The following CUX2 variants were observed in gnomAD, a reference collection of about 807,000 sequenced individuals.
CUX2 encodes the protein homeobox protein cut-like 2.
CUX2 carries 40 observed loss-of-function variants against 144.8 expected under a neutral mutation model. The ratio of observed to expected loss-of-function variants is 0.28; its 90% CI spans 0.21 to 0.36. CUX2 has a LOEUF of 0.36. Ranked by LOEUF, CUX2 falls within the 10% of genes least tolerant of loss-of-function variation. The probability of loss-of-function intolerance (pLI) is 1.00; values close to 1 mark genes in which losing one functional copy is unlikely to be tolerated. For missense variants in CUX2, 1,615 were observed against 1,994.0 expected, an observed-to-expected ratio of 0.81 and a Z score of 3.62; for synonymous variants, 827 against 875.6, an observed-to-expected ratio of 0.94 and a Z score of 0.98.
At chr12:111,317,661 C>G (rs2136391940) in intron 16 of CUX2, among the ~76,000 whole-genome samples, 1 of 152,218 alleles carries the variant, frequency 6.6e-6, no homozygotes, top group South Asian at 2.1e-4. Flanking sequence ...TTCACTAAAT[C>G]ATATAGTGTT....
chr12:111,227,649 A>G (rs1156626526), intron 3 of CUX2, among the ~76,000 whole-genome samples: 4 of 152,032 alleles, frequency 2.6e-5, no homozygotes, highest in Non-Finnish European at 4.4e-5. Context: ...GCTTTCTCCT[A>G]TATTTTCTTG....
At chr12:111,335,948 C>A (rs937141645) in intron 19 of CUX2, among the ~76,000 whole-genome samples, 1 of 151,904 alleles carries the variant, frequency 6.6e-6, no homozygotes, top group Admixed American at 6.6e-5. Context: ...AAAGTGCCCA[C>A]GGTGAGATCC....
intron 3 of CUX2, among the ~76,000 whole-genome samples, chr12:111,247,025 C>T (rs1883311950): frequency 1.3e-5 from 2 of 152,290 alleles, no homozygotes; most frequent in South Asian, 4.1e-4. Flanking sequence ...TGAGTATCTT[C>T]TGTTTGCTAG....
chr12:111,040,298 C>A (rs573877427), intron 1 of CUX2, among the ~76,000 whole-genome samples: 1 of 150,842 alleles, frequency 6.6e-6, no homozygotes, highest in Non-Finnish European at 1.5e-5. Context: ...AAAAAAAAAA[C>A]GGAAAAAAAT....
intron 3 of CUX2, among the ~76,000 whole-genome samples, chr12:111,240,993 C>T (rs979102248): frequency 1.3e-5 from 2 of 152,078 alleles, no homozygotes; most frequent in Non-Finnish European, 2.9e-5. Context: ...TGTCTTAGTC[C>T]GTTTTGTGTT....
intron 1 of CUX2, among the ~76,000 whole-genome samples, chr12:111,143,798 G>A (rs1876487657): frequency 1.3e-5 from 2 of 152,344 alleles, no homozygotes; most frequent in African/African-American, 4.8e-5. Context: ...GCCATCTGGG[G>A]TGTGTGGGGG....
Position 111,310,309 on chromosome 12 carries a change from A to G in CUX2, c.1527A>G (p.Pro509=). ...GEAGGLLVFP[P]AFYGAKPPTA... The stretch of plus-strand genomic sequence containing the variant: ...CGGGCGGCCTGCTGGTGTTCCCCCC[A>G]GCCTTCTATGGCGCCAAGCCCCCCA... Residue 509 remains proline, a synonymous_variant, in exon 15 of 22, where the codon CCA becomes CCG. Transcript: ENST00000261726. The surrounding 1 kb of genome is among the most constrained non-coding windows in gnomAD (Gnocchi z 7.9). 1 of 1,501,520 alleles carries G rather than the reference A, an allele frequency of 6.7e-7. No individual in the cohort carries two copies. Among genetic ancestry groups the G allele is most frequent in the Non-Finnish European group, 8.9e-7 (1 of 1,121,456 alleles). The allele number at this position is 1,501,520 out of a possible 1,614,324, so 93.0% of individuals were successfully genotyped here.
intron 1 of CUX2, among the ~76,000 whole-genome samples, chr12:111,093,149 C>T (rs1334257282): frequency 6.6e-6 from 1 of 152,202 alleles, no homozygotes; most frequent in Non-Finnish European, 1.5e-5. Context: ...TGCCCAAGGC[C>T]ATGCAGTTGG....
intron 21 of CUX2, among the ~76,000 whole-genome samples, chr12:111,344,794 G>A (rs1334265724): frequency 6.6e-6 from 1 of 152,224 alleles, no homozygotes; most frequent in Admixed American, 6.5e-5. Context: ...CAGACTGCTA[G>A]GTTCAGAGCC....
chr12:111,134,620 C>CTCTCTCTGTGTGTGTGTGTG (rs1026548098), intron 1 of CUX2, among the ~76,000 whole-genome samples: 30 of 142,204 alleles, frequency 2.1e-4, no homozygotes, highest in African/African-American at 8.3e-4. Flanking sequence ...CTCTCTCTCT[C>CTCTCTCTGTGTGTGTGTGTG]TGTGTGTGTG....
intron 21 of CUX2, among the ~76,000 whole-genome samples, chr12:111,345,700 C>T (rs1009404049): frequency 8.9e-5 from 13 of 146,650 alleles, no homozygotes; most frequent in African/African-American, 3.3e-4. Context: ...CGCGCCACTG[C>T]ACTCCAGCGT....
chr12:111,230,336 G>A (rs1400868413), intron 3 of CUX2, among the ~76,000 whole-genome samples: 2 of 152,086 alleles, frequency 1.3e-5, no homozygotes, highest in Non-Finnish European at 2.9e-5. Flanking sequence ...TGCCTACAGC[G>A]GTGTCTTTCT....
chr12:111,260,512 T>A (rs74372504), intron 3 of CUX2, among the ~76,000 whole-genome samples: 5,667 of 152,284 alleles, frequency 0.037, 155 homozygotes, highest in African/African-American at 0.072. Flanking sequence ...TTTTCTTTCT[T>A]AGACTTAGAA....
Position 111,320,002 on chromosome 12 carries a change from C to T in CUX2, c.2003-10C>T. On this transcript the variant is annotated splice_polypyrimidine_tract_variant and intron_variant, in intron 16 of 21. Transcript: ENST00000261726. The surrounding 1 kb of genome is among the most constrained non-coding windows in gnomAD (Gnocchi z 8.1). ...CTGGGCCTCGGGCCGTCCTGTCCCC[C>T]TCCCCGCAGGCGAGCCCAAGACCTC... 6.7e-7 allele frequency: 1 copy of T among 1,494,318 alleles called. No individual in the cohort carries two copies. The highest frequency in any genetic ancestry group is 8.9e-7 in the Non-Finnish European group (1 of 1,128,622). 92.6% of individuals were successfully genotyped at this position (1,494,318 alleles called of 1,614,324 possible).
At chr12:111,102,334 G>A (rs543358960) in intron 1 of CUX2, among the ~76,000 whole-genome samples, 55 of 152,342 alleles carry the variant, frequency 3.6e-4, no homozygotes, top group South Asian at 3.1e-3. Flanking sequence ...CTCTCCCTCC[G>A]AGGGAGGATC....
Position 111,137,364 on chromosome 12 carries a change from T to TTGTTGTTGTTGTTGTTGTTG in CUX2, c.64-76835_64-76834insGTTGTTGTTGTTGTTGTTGT, listed in dbSNP as rs146487590. Among the ~76,000 whole-genome samples, 600 of 148,552 alleles carry TTGTTGTTGTTGTTGTTGTTG rather than the reference T, an allele frequency of 4.0e-3. 4 individuals carry two copies. Among genetic ancestry groups the TTGTTGTTGTTGTTGTTGTTG allele is most frequent in the African/African-American group, 0.015 (567 of 38,028 alleles). ...TCTTCTGCTGATGTTGTTGTTGTTG[T>TTGTTGTTGTTGTTGTTGTTG]TTGTTGATGTTGTCGTTGTTGTTGA... On this transcript the variant is annotated intron_variant, in intron 1 of 21. Transcript: ENST00000261726.
At chr12:111,155,338 G>T (rs1310786750) in intron 1 of CUX2, among the ~76,000 whole-genome samples, 3 of 152,212 alleles carry the variant, frequency 2.0e-5, no homozygotes, top group Non-Finnish European at 4.4e-5. Context: ...AACAGTGCTT[G>T]TCTCATAGTA....
At chr12:111,333,596 G>A (rs1040768493) in intron 18 of CUX2, among the ~76,000 whole-genome samples, 6 of 152,186 alleles carry the variant, frequency 3.9e-5, no homozygotes, top group Non-Finnish European at 8.8e-5. Context: ...TTCGGGCTGT[G>A]TACTTGGGGC....
At chr12:111,101,905 C>T (rs1344968899) in intron 1 of CUX2, among the ~76,000 whole-genome samples, 1 of 152,146 alleles carries the variant, frequency 6.6e-6, no homozygotes. Context: ...AATACAGTAC[C>T]GACTACATGG....
Sources: gnomAD v4.1 joint callset for allele counts (sites outside exome capture counted in the v4.1 genomes callset) on GRCh38, gnomAD v4.1.1 for gene constraint, Gnocchi (gnomAD v3.1) non-coding constraint, MANE v1.5 for transcripts, NCBI Gene and HGNC (gene_info 2026-07-23, HGNC 2026-07-21) for gene names.